Variants in FCHSD2 observed in about 807,000 individuals in gnomAD.
FCHSD2 encodes F-BAR and double SH3 domains protein 2.
FCHSD2 carries 38 observed loss-of-function variants against 108.1 expected under a neutral mutation model. The observed-to-expected ratio is 0.35, with a 90% CI of 0.27 to 0.46. The LOEUF (loss-of-function observed/expected upper bound fraction) is 0.46. Among genes scored for constraint, FCHSD2 ranks in the 20% least tolerant of loss-of-function variants. FCHSD2 has a pLI of 1.00. For synonymous variants in FCHSD2, 279 were observed against 314.7 expected (o/e 0.89, Z 1.20); for missense variants, 751 against 897.8 (o/e 0.84, Z 2.09).
At chr11:72,911,871 T>G (rs1244132961) in intron 9 of FCHSD2, among the ~76,000 whole-genome samples, 1 of 152,184 alleles carries the variant, frequency 6.6e-6, no homozygotes. Context: ...GACCTTTCAC[T>G]TCTTTGGTTA....
intron 3 of FCHSD2, among the ~76,000 whole-genome samples, chr11:73,035,163 T>C (rs990069728): frequency 8.6e-6 from 1 of 116,462 alleles, no homozygotes; most frequent in Non-Finnish European, 1.9e-5. Flanking sequence ...TGTATGTATG[T>C]ATGTATGTAT....
intron 8 of FCHSD2, among the ~76,000 whole-genome samples, chr11:72,974,899 C>T (rs1019045238): frequency 6.6e-6 from 1 of 151,782 alleles, no homozygotes; most frequent in Non-Finnish European, 1.5e-5. Context: ...GACTTCCATG[C>T]TAATTAATTA....
At chr11:73,086,167 G>A (rs570404938) in intron 2 of FCHSD2, among the ~76,000 whole-genome samples, 55 of 152,330 alleles carry the variant, frequency 3.6e-4, no homozygotes, top group African/African-American at 1.3e-3. Context: ...CAGCACTTTT[G>A]AGAGATAGAG....
rs1188881367 is a variant in FCHSD2, at chr11:73,082,596, C to T, written c.165+1099G>A. Among the ~76,000 whole-genome samples the T allele has an allele frequency of 2.0e-5, 3 of 151,726 alleles. No individual in the cohort carries two copies. The East Asian group carries it at 5.8e-4, about 29-fold the overall frequency. ...AATTTCATTAAAAAATCTGACAAAG[C>T]CTAAAAGAGTCATGCCCCAATCTCT... On this transcript the variant is annotated intron_variant, in intron 3 of 19. Coordinates refer to ENST00000409418, the MANE Select transcript of FCHSD2 (RefSeq NM_014824.3).
chr11:72,982,247 G>A (rs1040754311), intron 8 of FCHSD2, among the ~76,000 whole-genome samples: 25 of 152,116 alleles, frequency 1.6e-4, no homozygotes, highest in African/African-American at 5.6e-4. Context: ...TGAAGGTCCC[G>A]AGAACTGTCC....
At chr11:72,917,458 A>T (rs999370630) in intron 9 of FCHSD2, among the ~76,000 whole-genome samples, 2 of 152,206 alleles carry the variant, frequency 1.3e-5, no homozygotes, top group Non-Finnish European at 2.9e-5. Flanking sequence ...GTCTATACTT[A>T]TGTCCATACC....
At chr11:72,868,487 A>G (rs896983486) in intron 12 of FCHSD2, among the ~76,000 whole-genome samples, 1 of 152,058 alleles carries the variant, frequency 6.6e-6, no homozygotes, top group Non-Finnish European at 1.5e-5. Context: ...CCACCCTAAT[A>G]ACAAACCCGC....
chr11:73,052,049 G>C (rs1858915444), intron 3 of FCHSD2, among the ~76,000 whole-genome samples: 2 of 152,122 alleles, frequency 1.3e-5, no homozygotes, highest in South Asian at 4.1e-4. Context: ...TAATGACATG[G>C]AAGACCAATT....
Position 72,889,993 on chromosome 11 carries a change from T to C in FCHSD2, c.925-48A>G, listed in dbSNP as rs763164319. 7 of 1,147,086 alleles carry C rather than the reference T, an allele frequency of 6.1e-6. No individual in the cohort carries two copies. In the East Asian group the frequency reaches 1.4e-4, roughly 23 times the overall value. The allele number at this position is 1,147,086 out of a possible 1,614,324, so 71.1% of individuals were successfully genotyped here. A position where few individuals can be genotyped will look rare whatever the true frequency, so the allele number is the denominator to read the frequency against. ...GATAAAAATATTGCTATCCTTATTGTAACCACTACTGCTTTGTAGATGGAT... is the reference window on the plus strand; with the variant it reads ...GATAAAAATATTGCTATCCTTATTGCAACCACTACTGCTTTGTAGATGGAT... On this transcript the variant is annotated intron_variant, in intron 10 of 19. Coordinates refer to ENST00000409418, the MANE Select transcript of FCHSD2 (RefSeq NM_014824.3).
At chr11:72,906,905 G>A (rs1219868224) in intron 9 of FCHSD2, among the ~76,000 whole-genome samples, 5 of 152,098 alleles carry the variant, frequency 3.3e-5, no homozygotes, top group East Asian at 1.9e-4. Context: ...TTGGCTATGC[G>A]GGCTCTTTTT....
chr11:72,867,859 T>A lies in FCHSD2; in HGVS notation c.1308+6A>T, dbSNP rs756362655. 1 of 1,609,546 alleles carries A rather than the reference T, an allele frequency of 6.2e-7. No homozygotes were observed. The highest frequency in any genetic ancestry group is 8.5e-7 in the Non-Finnish European group (1 of 1,177,818). ...AACTTGTCATATCCAAGAAAAGAAA[T>A]CGTACCGAGTGTAAAGTGCCATTAC... On this transcript the variant is annotated splice_donor_region_variant and intron_variant, in intron 13 of 19. Coordinates refer to ENST00000409418, the MANE Select transcript of FCHSD2 (RefSeq NM_014824.3).
chr11:73,009,154 T>A (rs7936751), intron 4 of FCHSD2, among the ~76,000 whole-genome samples: 2 of 151,932 alleles, frequency 1.3e-5, no homozygotes, highest in African/African-American at 2.4e-5. Flanking sequence ...TTTAAAAGAC[T>A]GATTACATGC....
intron 3 of FCHSD2, among the ~76,000 whole-genome samples, chr11:73,035,158 G>T (rs867568565): frequency 9.1e-6 from 1 of 109,638 alleles, no homozygotes; most frequent in Non-Finnish European, 2.0e-5. Context: ...TTTTATGTAT[G>T]TATGTATGTA....
chr11:72,942,616 T>C (rs965852857), intron 8 of FCHSD2, among the ~76,000 whole-genome samples: 2 of 152,250 alleles, frequency 1.3e-5, no homozygotes, highest in African/African-American at 4.8e-5. Context: ...AGGTTTTCTG[T>C]ACTTTTCAAA....
chr11:73,124,375 A>G (rs1347612956), intron 2 of FCHSD2, among the ~76,000 whole-genome samples: 1 of 152,140 alleles, frequency 6.6e-6, no homozygotes, highest in Non-Finnish European at 1.5e-5. Flanking sequence ...AAACCTGCAC[A>G]TTGTGCACAT....
chr11:73,095,133 G>T (rs1860045555), intron 2 of FCHSD2, among the ~76,000 whole-genome samples: 1 of 152,072 alleles, frequency 6.6e-6, no homozygotes, highest in African/African-American at 2.4e-5. Flanking sequence ...AATTAGAAGT[G>T]TTCTTATTTC....
chr11:72,946,691 G>A (rs1186764472), intron 8 of FCHSD2, among the ~76,000 whole-genome samples: 1 of 152,180 alleles, frequency 6.6e-6, no homozygotes, highest in African/African-American at 2.4e-5. Context: ...GGTATAAACA[G>A]AGTAATAGCT....
chr11:72,939,550 T>C (rs1156683821), intron 8 of FCHSD2, among the ~76,000 whole-genome samples: 1 of 151,498 alleles, frequency 6.6e-6, no homozygotes, highest in South Asian at 2.1e-4. Context: ...ATTTGATCAC[T>C]GAGAAAATTC....
chr11:72,929,307 T>C (rs1344537675), intron 8 of FCHSD2, among the ~76,000 whole-genome samples: 1 of 152,190 alleles, frequency 6.6e-6, no homozygotes, highest in Non-Finnish European at 1.5e-5. Flanking sequence ...CCACTTTCAA[T>C]GGAGATTAAT....
Sources: gnomAD v4.1 joint callset for allele counts (sites outside exome capture counted in the v4.1 genomes callset) on GRCh38, gnomAD v4.1.1 for gene constraint, MANE v1.5 for transcripts, NCBI Gene and HGNC (gene_info 2026-07-23, HGNC 2026-07-21) for gene names.